SOX5: variants seen among roughly 807,000 people sequenced by gnomAD.
SOX5 encodes the protein transcription factor SOX-5.
In SOX5, 9 loss-of-function variants were observed where a neutral mutation model predicts 92.0. The ratio of observed to expected loss-of-function variants is 0.10; its 90% confidence interval spans 0.06 to 0.17. The LOEUF (loss-of-function observed/expected upper bound fraction) is 0.17. Ranked by LOEUF, SOX5 falls within the 10% of genes least tolerant of loss-of-function variation. The probability of loss-of-function intolerance (pLI) is 1.00; values close to 1 mark genes in which losing one functional copy is unlikely to be tolerated. For synonymous variants in SOX5, 344 were observed against 336.3 expected, an observed-to-expected ratio of 1.02 and a Z score of -0.25; for missense variants, 642 against 944.5, an observed-to-expected ratio of 0.68 and a Z score of 4.20.
intron 4 of SOX5, among the ~76,000 whole-genome samples, chr12:24,089,461 C>T (rs1944390123): frequency 6.6e-6 from 1 of 152,092 alleles, no homozygotes; most frequent in Non-Finnish European, 1.5e-5. Context: ...TATATTTATA[C>T]ATGAATATTA....
chr12:23,637,248 C>T (rs1382231836), intron 8 of SOX5, among the ~76,000 whole-genome samples: 1 of 152,204 alleles, frequency 6.6e-6, no homozygotes, highest in East Asian at 1.9e-4. Flanking sequence ...CCTACTGTTA[C>T]CTCAACCCAT....
intron 8 of SOX5, among the ~76,000 whole-genome samples, chr12:23,610,073 A>T (rs2075770836): frequency 6.6e-6 from 1 of 152,176 alleles, no homozygotes; most frequent in Non-Finnish European, 1.5e-5. Flanking sequence ...AAAATAGTAT[A>T]ATTGTATTTG....
intron 3 of SOX5, among the ~76,000 whole-genome samples, chr12:23,823,896 T>G (rs909988998): frequency 6.6e-6 from 1 of 152,230 alleles, no homozygotes; most frequent in African/African-American, 2.4e-5. Context: ...TTTCTTTCGT[T>G]TATTTGATTC....
intron 3 of SOX5, among the ~76,000 whole-genome samples, chr12:24,251,662 C>G (rs1310345883): frequency 2.0e-5 from 3 of 151,474 alleles, no homozygotes; most frequent in Non-Finnish European, 4.4e-5. Flanking sequence ...ACCTCTGCCT[C>G]CTGGGTTCAA....
At chr12:23,812,196 C>T (rs1211492971) in intron 3 of SOX5, among the ~76,000 whole-genome samples, 3 of 151,958 alleles carry the variant, frequency 2.0e-5, no homozygotes, top group Non-Finnish European at 4.4e-5. Context: ...TAAAGTCTGG[C>T]ACCCAGTAAA....
At chr12:24,157,490 T>A (rs1952306803) in intron 4 of SOX5, among the ~76,000 whole-genome samples, 1 of 152,114 alleles carries the variant, frequency 6.6e-6, no homozygotes, top group African/African-American at 2.4e-5. Context: ...ACAGGTATAA[T>A]TTACTAATCT....
At chr12:24,538,653 A>G (rs1951858863) in intron 1 of SOX5, among the ~76,000 whole-genome samples, 2 of 151,850 alleles carry the variant, frequency 1.3e-5, no homozygotes, top group East Asian at 1.9e-4. Context: ...CGATAAGAAG[A>G]CAGACTCTAA....
intron 4 of SOX5, among the ~76,000 whole-genome samples, chr12:24,193,355 C>A (rs1348659161): frequency 6.6e-6 from 1 of 152,168 alleles, no homozygotes; most frequent in Non-Finnish European, 1.5e-5. Context: ...TGATGACAAC[C>A]AGCAGTAAGT....
intron 3 of SOX5, among the ~76,000 whole-genome samples, chr12:24,253,650 A>G (rs550700777): frequency 3.3e-5 from 5 of 152,294 alleles, no homozygotes; most frequent in African/African-American, 1.2e-4. Context: ...TGCAGAAGGA[A>G]TGTGGCGCAC....
In SOX5 at chr12:23,916,927, G is replaced by A. The variant is rs540524375; in HGVS notation, c.39-20903C>T. Among the ~76,000 whole-genome samples the A allele has an allele frequency of 1.4e-4, 22 of 152,168 alleles. No homozygotes were observed. In the South Asian group the frequency reaches 4.1e-3, roughly 29 times the overall value. ...ACTAACCGTTAAAATTTTATACATG[G>A]ATATTTTGTGTTACATACAGAACAC... is the stretch of plus-strand genomic sequence containing the variant. On this transcript the variant is annotated intron_variant, in intron 1 of 14. Transcript: ENST00000451604.
intron 4 of SOX5, among the ~76,000 whole-genome samples, chr12:24,176,581 G>A (rs1374194017): frequency 6.6e-6 from 1 of 152,192 alleles, no homozygotes; most frequent in East Asian, 1.9e-4. Flanking sequence ...CAATGTGATT[G>A]TATGGCTGGT....
chr12:24,275,471 A>G (rs10842306), intron 3 of SOX5, among the ~76,000 whole-genome samples: 65,108 of 151,758 alleles, frequency 0.43, 16,093 homozygotes, highest in East Asian at 0.75. Context: ...AATTCTTTAG[A>G]AAAGAATTTT....
intron 2 of SOX5, among the ~76,000 whole-genome samples, chr12:24,320,964 C>G (rs922362886): frequency 4.6e-5 from 7 of 152,158 alleles, no homozygotes; most frequent in African/African-American, 1.7e-4. Context: ...CAACCTAATA[C>G]AAGATTCTTC....
chr12:23,633,754 GC>G, intron 8 of SOX5, among the ~76,000 whole-genome samples: 1 of 152,124 alleles, frequency 6.6e-6, no homozygotes, highest in African/African-American at 2.4e-5. Context: ...GGCAGAATAA[GC>G]CATGAGTCAA....
intron 2 of SOX5, among the ~76,000 whole-genome samples, chr12:24,321,298 C>T (rs893158124): frequency 2.0e-5 from 3 of 152,182 alleles, no homozygotes; most frequent in Non-Finnish European, 2.9e-5. Context: ...ATTGTTACCA[C>T]AATTTATATT....
At chr12:24,529,230 C>T (rs1388190037) in intron 1 of SOX5, among the ~76,000 whole-genome samples, 2 of 152,180 alleles carry the variant, frequency 1.3e-5, no homozygotes, top group African/African-American at 4.8e-5. Flanking sequence ...AAAAGACTCT[C>T]TGAGAAAAGA....
chr12:24,334,764 A>G (rs1031032644), intron 2 of SOX5, among the ~76,000 whole-genome samples: 1 of 152,204 alleles, frequency 6.6e-6, no homozygotes, highest in African/African-American at 2.4e-5. Context: ...TGGCCAAATC[A>G]GTACATCACA....
chr12:24,260,932 C>T (rs1303517161), intron 3 of SOX5, among the ~76,000 whole-genome samples: 1 of 152,152 alleles, frequency 6.6e-6, no homozygotes, highest in Non-Finnish European at 1.5e-5. Context: ...TTTAATTCTA[C>T]TTGTGTAAGC....
At chr12:24,036,860 T>C (rs1473941992) in intron 4 of SOX5, among the ~76,000 whole-genome samples, 1 of 152,212 alleles carries the variant, frequency 6.6e-6, no homozygotes, top group East Asian at 1.9e-4. Flanking sequence ...TAGGATCTGA[T>C]TTCCTGACAA....
Sources: allele counts gnomAD v4.1 joint callset (sites outside exome capture counted in the v4.1 genomes callset), GRCh38; gene constraint gnomAD v4.1.1; transcripts MANE v1.5; gene names NCBI Gene and HGNC (gene_info 2026-07-23, HGNC 2026-07-21).